TAF4: variants seen among roughly 807,000 people sequenced by gnomAD.
TAF4 encodes the protein transcription initiation factor TFIID subunit 4.
A neutral mutation model predicts 90.3 loss-of-function variants in TAF4; 9 were observed. The ratio of observed to expected loss-of-function variants is 0.10; its 90% CI spans 0.06 to 0.17. The LOEUF (loss-of-function observed/expected upper bound fraction) is 0.17, where lower values mean the gene tolerates loss of function less well. Ranked by LOEUF, TAF4 falls within the 10% of genes least tolerant of loss-of-function variation. TAF4 has a pLI of 1.00. For synonymous variants in TAF4, 818 were observed against 638.9 expected (o/e 1.28, Z -4.23); for missense variants, 1,351 against 1,370.7 (o/e 0.99, Z 0.23).
chr20:62,003,568 G>C (rs1479138370), intron 8 of TAF4, among the ~76,000 whole-genome samples, 163 bp downstream of exon 8: 3 of 152,240 alleles, frequency 2.0e-5, no homozygotes, highest in Non-Finnish European at 4.4e-5. Context: ...AGTGGTGATG[G>C]TTACACAACA....
intron 9 of TAF4, 114 bp from the exon 10 acceptor site, chr20:62,000,835 G>T: frequency 8.8e-7 from 1 of 1,131,032 alleles, no homozygotes; most frequent in Non-Finnish European, 1.3e-6. Flanking sequence ...AGGAGGCCAG[G>T]CCTCTGTCCT....
In TAF4 at chr20:61,997,589, C is replaced by G; in HGVS notation, c.3051G>C (p.Lys1017Asn). Residue 1017 changes from lysine to asparagine, a missense_variant, in exon 14 of 15, where the codon AAG becomes AAC. Transcript: ENST00000252996. ...CCGGCCCCGGACAGTCCACTTTCCT[C>G]TTTTTCCTGGGCCCGATCGCTGCTA... Reference protein sequence around the residue: ...TALAAIGPRKKRKVDCPGPGS... With the variant: ...TALAAIGPRKNRKVDCPGPGS... 1 of 1,613,714 alleles carries G rather than the reference C, an allele frequency of 6.2e-7. No individual in the cohort carries two copies. The highest frequency in any genetic ancestry group is 8.5e-7 in the Non-Finnish European group (1 of 1,179,864).
Position 62,065,418 on chromosome 20 carries a change from C to A in TAF4, c.393G>T (p.Glu131Asp). Reference protein sequence around the residue: ...PPAAKLRPPPEGSAGSCAPVP... With the variant: ...PPAAKLRPPPDGSAGSCAPVP... Reference sequence around the variant, plus strand: ...CCGGGGCGCAGGACCCCGCGCTGCCCTCGGGCGGCGGCCTCAGCTTCGCGG... The same window carrying A: ...CCGGGGCGCAGGACCCCGCGCTGCCATCGGGCGGCGGCCTCAGCTTCGCGG... Residue 131 changes from glutamate (E) to aspartate (D), a missense_variant, in exon 1 of 15, where the codon GAG (glutamate) becomes GAT (aspartate). By Grantham distance (45) the Glu-to-Asp change is conservative. Coordinates refer to ENST00000252996, the MANE Select transcript of TAF4 (RefSeq NM_003185.4). 1.0e-6 allele frequency: 1 copy of A among 974,178 alleles called. No homozygotes were observed. Among genetic ancestry groups the A allele is most frequent in the South Asian group, 4.6e-5 (1 of 21,712 alleles). 60.3% of individuals were successfully genotyped at this position (974,178 alleles called of 1,614,324 possible).
chr20:61,977,950 C>T (rs1015349562), intron 14 of TAF4, among the ~76,000 whole-genome samples: 2 of 152,220 alleles, frequency 1.3e-5, no homozygotes, highest in Non-Finnish European at 2.9e-5. Context: ...GAAGGAGAGA[C>T]GCTCATCTCA....
intron 7 of TAF4, 47 bp from the exon 8 acceptor site, chr20:62,003,925 AG>A: frequency 1.3e-6 from 2 of 1,506,946 alleles, no homozygotes; most frequent in Non-Finnish European, 1.8e-6. Context: ...CCCGAGGGCC[AG>A]GGGCCACTCA....
At chr20:61,987,922 A>G (rs1357156643) in intron 14 of TAF4, among the ~76,000 whole-genome samples, 2 of 152,234 alleles carry the variant, frequency 1.3e-5, no homozygotes, top group Non-Finnish European at 2.9e-5. Context: ...GCCATGAAAA[A>G]ACACGGAGGA....
chr20:62,055,989 C>A (rs1474420257), intron 1 of TAF4, among the ~76,000 whole-genome samples: 1 of 152,204 alleles, frequency 6.6e-6, no homozygotes, highest in Non-Finnish European at 1.5e-5. Flanking sequence ...GTAATCCCAG[C>A]ACTCTGGGAG....
intron 9 of TAF4, 22 bp downstream of exon 9, chr20:62,003,138 C>T (rs763280938): frequency 1.8e-5 from 28 of 1,598,672 alleles, no homozygotes; most frequent in East Asian, 2.2e-5. Context: ...GCTTCTCCAA[C>T]GTACACAGGC....
chr20:61,979,311 G>A (rs972695813), intron 14 of TAF4: 1 of 152,718 alleles, frequency 6.5e-6, no homozygotes, highest in African/African-American at 2.4e-5. Flanking sequence ...CCTGCTTGGA[G>A]AAGAGTGCTT....
chr20:62,059,982 G>A (rs1261549363), intron 1 of TAF4, among the ~76,000 whole-genome samples: 1 of 152,242 alleles, frequency 6.6e-6, no homozygotes, highest in East Asian at 1.9e-4. Flanking sequence ...TTTGGAGGTA[G>A]AACAGGAACT....
At chr20:62,055,351 TC>T (rs1361721568) in intron 1 of TAF4, among the ~76,000 whole-genome samples, 1 of 151,398 alleles carries the variant, frequency 6.6e-6, no homozygotes, top group Non-Finnish European at 1.5e-5. Context: ...TGCAATACGA[TC>T]GATTCACACT....
chr20:62,003,067 G>A, intron 9 of TAF4, 93 bp downstream of exon 9: 1 of 1,095,344 alleles, frequency 9.1e-7, no homozygotes, highest in Non-Finnish European at 1.3e-6. Flanking sequence ...GGCCACGTGG[G>A]AAAGACCCGT....
intron 1 of TAF4, among the ~76,000 whole-genome samples, chr20:62,061,772 T>C (rs2056090002): frequency 6.6e-6 from 1 of 152,178 alleles, no homozygotes; most frequent in Non-Finnish European, 1.5e-5. Context: ...GTTTTCTCAT[T>C]TTTCCTCAGT....
intron 9 of TAF4, among the ~76,000 whole-genome samples, chr20:62,001,518 T>C (rs933384277): frequency 6.6e-6 from 1 of 152,112 alleles, no homozygotes; most frequent in African/African-American, 2.4e-5. Context: ...CAGCCTCCAC[T>C]TGCCGCCTCC....
At chr20:62,034,295 C>T (rs2055920370) in intron 1 of TAF4, among the ~76,000 whole-genome samples, 1 of 152,140 alleles carries the variant, frequency 6.6e-6, no homozygotes, top group South Asian at 2.1e-4. Context: ...TGCGATTCAA[C>T]ACACTATCAA....
intron 9 of TAF4, among the ~76,000 whole-genome samples, chr20:62,002,099 G>A (rs904706616): frequency 2.6e-5 from 4 of 152,154 alleles, no homozygotes; most frequent in Non-Finnish European, 5.9e-5. Flanking sequence ...CTGCCAGGCC[G>A]CTGACTCCTT....
chr20:61,998,954 G>A (rs1432868665), intron 12 of TAF4, 29 bp downstream of exon 12: 2 of 1,609,702 alleles, frequency 1.2e-6, no homozygotes, highest in African/African-American at 2.7e-5. Context: ...GAGGTGCCCA[G>A]ACGGCAGCAG....
At chr20:62,048,816 A>T (rs1391727727) in intron 1 of TAF4, among the ~76,000 whole-genome samples, 1 of 70,928 alleles carries the variant, frequency 1.4e-5, no homozygotes, top group East Asian at 4.2e-4. Context: ...AGCTCCGTAC[A>T]CCCCAAGCTC....
In TAF4 at chr20:62,010,035, G is replaced by A. The variant is rs372256658; in HGVS notation, c.1761+11C>T. 1 of 1,612,940 alleles carries A rather than the reference G, an allele frequency of 6.2e-7. No individual in the cohort carries two copies. On this transcript the variant is annotated intron_variant, in intron 4 of 14. Transcript: ENST00000252996. This position sits in a 1 kb window ranked among gnomAD's most constrained non-coding sequence, Gnocchi z 4.5. The stretch of plus-strand genomic sequence containing the variant: ...ACCGTCTTTGAAGGCACGGAAAGGA[G>A]TGGCTCTTACCGTGGCAGCTGAGGA...
Sources: gnomAD v4.1 joint callset for allele counts (sites outside exome capture counted in the v4.1 genomes callset) on GRCh38, gnomAD v4.1.1 for gene constraint, Gnocchi (gnomAD v3.1) non-coding constraint, MANE v1.5 for transcripts, NCBI Gene and HGNC (gene_info 2026-07-23, HGNC 2026-07-21) for gene names.